AGBL4: variants seen among roughly 807,000 people sequenced by gnomAD.
AGBL4 encodes the protein cytosolic carboxypeptidase 6.
A neutral mutation model predicts 66.4 loss-of-function variants in AGBL4; 58 were observed. The observed-to-expected ratio is 0.87, with a 90% CI of 0.71 to 1.09. The LOEUF (loss-of-function observed/expected upper bound fraction) is 1.09. AGBL4 is among the 50% of genes least tolerant of loss of function. The probability of loss-of-function intolerance (pLI) is 0.00; values close to 1 mark genes in which losing one functional copy is unlikely to be tolerated. For missense variants in AGBL4, 579 were observed against 631.0 expected (o/e 0.92, Z 0.88); for synonymous variants, 234 against 222.9 (o/e 1.05, Z -0.44).
intron 9 of AGBL4, 105 bp from the exon 10 acceptor site, chr1:48,591,090 A>ACCCC (rs151241264): frequency 2.2e-4 from 114 of 527,312 alleles, no homozygotes; most frequent in Middle Eastern, 1.1e-3. Context: ...ACACCCACCC[A>ACCCC]CCCCCCCCCA....
intron 2 of AGBL4, among the ~76,000 whole-genome samples, chr1:49,707,724 A>G (rs960788409): frequency 6.6e-6 from 1 of 152,076 alleles, no homozygotes; most frequent in Admixed American, 6.6e-5. Flanking sequence ...TGCTTCCTTC[A>G]GGAGCTCTTG....
intron 3 of AGBL4, among the ~76,000 whole-genome samples, chr1:49,344,319 GAAAAA>G (rs200949507): frequency 6.9e-6 from 1 of 145,208 alleles, no homozygotes; most frequent in East Asian, 2.0e-4. Context: ...AATAATAAAA[GAAAAA>G]AAAAAGACTA....
intron 2 of AGBL4, among the ~76,000 whole-genome samples, chr1:49,790,340 G>A (rs1186154717): frequency 6.7e-6 from 1 of 149,436 alleles, no homozygotes; most frequent in South Asian, 2.1e-4. Context: ...TTCCAGCCTG[G>A]GTGACAGAGT....
intron 1 of AGBL4, among the ~76,000 whole-genome samples, chr1:49,934,918 C>T (rs564359335): frequency 2.0e-5 from 3 of 152,110 alleles, no homozygotes; most frequent in Non-Finnish European, 2.9e-5. Flanking sequence ...AGAAAACAGG[C>T]GATTTCCGCA....
At chr1:49,185,215 T>C (rs1646994486) in intron 4 of AGBL4, among the ~76,000 whole-genome samples, 1 of 152,190 alleles carries the variant, frequency 6.6e-6, no homozygotes, top group South Asian at 2.1e-4. Flanking sequence ...ACCAGGTCTC[T>C]GTCCCCATAG....
intron 4 of AGBL4, among the ~76,000 whole-genome samples, chr1:49,090,948 TC>T (rs567715913): frequency 7.4e-4 from 112 of 152,182 alleles, no homozygotes; most frequent in Middle Eastern, 6.8e-3. Flanking sequence ...CTCACAACCA[TC>T]TGATGTTTGA....
chr1:49,370,025 T>C (rs962313242), intron 3 of AGBL4, among the ~76,000 whole-genome samples: 1 of 150,424 alleles, frequency 6.6e-6, no homozygotes, highest in Non-Finnish European at 1.5e-5. Context: ...GTCTCCTACC[T>C]GCCTGCCCAC....
intron 4 of AGBL4, among the ~76,000 whole-genome samples, chr1:49,228,607 G>T (rs1034355297): frequency 5.3e-5 from 8 of 152,212 alleles, no homozygotes; most frequent in Non-Finnish European, 1.0e-4. Flanking sequence ...TTGAGGAACA[G>T]CAGTGGTCAG....
chr1:48,665,122 G>T (rs1319036442), intron 6 of AGBL4, among the ~76,000 whole-genome samples: 1 of 152,196 alleles, frequency 6.6e-6, no homozygotes, highest in East Asian at 1.9e-4. Context: ...AGTATGGGTG[G>T]AGTCACTGCT....
chr1:50,012,646 A>G (rs2148439480), intron 1 of AGBL4, among the ~76,000 whole-genome samples: 1 of 152,302 alleles, frequency 6.6e-6, no homozygotes, highest in Middle Eastern at 3.4e-3. Flanking sequence ...AGCTTTCAAA[A>G]TATGTATATG....
At chr1:49,203,395 T>C (rs1482660338) in intron 4 of AGBL4, among the ~76,000 whole-genome samples, 1 of 152,070 alleles carries the variant, frequency 6.6e-6, no homozygotes, top group Non-Finnish European at 1.5e-5. Context: ...AATGAATGAA[T>C]AAAGAAAATA....
intron 5 of AGBL4, among the ~76,000 whole-genome samples, chr1:48,868,283 C>T (rs1466198119): frequency 6.6e-6 from 1 of 152,162 alleles, no homozygotes; most frequent in African/African-American, 2.4e-5. Context: ...CCCTGCATTT[C>T]CCTCTTTATC....
intron 3 of AGBL4, among the ~76,000 whole-genome samples, chr1:49,533,250 C>A (rs1159784116): frequency 6.6e-6 from 1 of 152,138 alleles, no homozygotes; most frequent in Non-Finnish European, 1.5e-5. Flanking sequence ...TAATCTGGGT[C>A]CTGGACTTCC....
In AGBL4 at chr1:48,990,327, T is replaced by C. The variant is rs183197008; in HGVS notation, c.594+55257A>G. On this transcript the variant is annotated intron_variant, in intron 5 of 13. Transcript: ENST00000371839. ...ATGGTTTGCAAATATTTTTCTCCCA[T>C]TTTATGGGTTGTCTCTTCACTTTTT... Among the ~76,000 whole-genome samples the C allele has an allele frequency of 4.5e-4, 69 of 152,096 alleles. 1 individual carries two copies. The South Asian group carries it at 9.4e-3, about 21-fold the overall frequency.
chr1:48,600,353 C>T (rs1645056469), intron 9 of AGBL4, among the ~76,000 whole-genome samples: 1 of 152,092 alleles, frequency 6.6e-6, no homozygotes, highest in East Asian at 1.9e-4. Context: ...ATAGCCCTTA[C>T]TTTATGCCAG....
chr1:49,947,692 G>C (rs1020928859), intron 1 of AGBL4, among the ~76,000 whole-genome samples: 3 of 151,166 alleles, frequency 2.0e-5, no homozygotes, highest in African/African-American at 7.3e-5. Context: ...AGTCCTACCA[G>C]AGCAATCAGA....
At chr1:49,908,628 C>A (rs72686772) in intron 1 of AGBL4, among the ~76,000 whole-genome samples, 3 of 152,146 alleles carry the variant, frequency 2.0e-5, no homozygotes, top group Non-Finnish European at 4.4e-5. Context: ...TCCATAAGAA[C>A]ACAGGAATGG....
chr1:49,023,819 C>T (rs1480440362), intron 5 of AGBL4, among the ~76,000 whole-genome samples: 1 of 152,160 alleles, frequency 6.6e-6, no homozygotes, highest in Non-Finnish European at 1.5e-5. Context: ...TTATGTATGC[C>T]TTCTTCCTTT....
intron 6 of AGBL4, among the ~76,000 whole-genome samples, chr1:48,787,112 A>T (rs1276247876): frequency 6.6e-6 from 1 of 152,174 alleles, no homozygotes; most frequent in Non-Finnish European, 1.5e-5. Context: ...ACACAGGAGT[A>T]AATGGTAGAC....
Sources: gnomAD v4.1 joint callset for allele counts (sites outside exome capture counted in the v4.1 genomes callset) on GRCh38, gnomAD v4.1.1 for gene constraint, MANE v1.5 for transcripts, NCBI Gene and HGNC (gene_info 2026-07-23, HGNC 2026-07-21) for gene names.